CDH10: variants seen among roughly 807,000 people sequenced by gnomAD.
The protein encoded by CDH10 is cadherin 10, also known as cadherin-10.
A neutral mutation model predicts 73.1 loss-of-function variants in CDH10; 30 were observed. The observed-to-expected ratio is 0.41, with a 90% CI of 0.31 to 0.56. The LOEUF is 0.56. Among genes scored for constraint, CDH10 ranks in the 20% least tolerant of loss-of-function variants. CDH10 has a pLI of 0.27. For synonymous variants in CDH10, 345 were observed against 348.2 expected (o/e 0.99, Z 0.10); for missense variants, 815 against 973.7 (o/e 0.84, Z 2.17).
At position 24,644,707 on chromosome 5, in the gene CDH10, T is replaced by C. The variant is rs376188089; in HGVS notation, c.-237A>G. 10 of 152,222 alleles carry C rather than the reference T, an allele frequency of 6.6e-5. No individual in the cohort carries two copies. The highest frequency in any genetic ancestry group is 2.1e-4 in the South Asian group (1 of 4,820). The allele number at this position is 152,222 out of a possible 1,614,324, so 9.4% of individuals were successfully genotyped here. A position where few individuals can be genotyped will look rare whatever the true frequency, so the allele number is the denominator to read the frequency against. On this transcript the variant is annotated 5_prime_UTR_variant, in exon 1 of 12. Transcript: ENST00000264463. ...TCGGCTGTTATTTTCTATCACTGAT[T>C]CTACTTCAATCTAACTCAAGCTCTT...
Position 24,624,063 on chromosome 5 carries a change from G to A in CDH10, c.-124+20531C>T, listed in dbSNP as rs910595635. ...CCCACACAGCAACTGTTTTTTGCTT[G>A]TTTTGTTTTTTGAGAGCTCAGTACG... On this transcript the variant is annotated intron_variant, in intron 1 of 11. Transcript: ENST00000264463. Among the ~76,000 whole-genome samples the A allele has an allele frequency of 1.7e-4, 26 of 151,952 alleles. 1 individual carries two copies. The highest frequency in any genetic ancestry group is 4.4e-5 in the Non-Finnish European group (3 of 67,996).
chr5:24,488,799 C>G (rs531360605), intron 11 of CDH10, among the ~76,000 whole-genome samples: 6 of 139,960 alleles, frequency 4.3e-5, no homozygotes, highest in African/African-American at 8.1e-5. Flanking sequence ...AGACCCCCCC[C>G]CCAAAAAAAA....
chr5:24,539,860 C>T (rs934148146), intron 2 of CDH10, among the ~76,000 whole-genome samples: 2 of 152,058 alleles, frequency 1.3e-5, no homozygotes, highest in Non-Finnish European at 2.9e-5. Flanking sequence ...GCATGTGCAA[C>T]ACAGTGGCAA....
intron 2 of CDH10, among the ~76,000 whole-genome samples, chr5:24,541,727 T>G (rs1000524432): frequency 2.6e-5 from 4 of 152,106 alleles, no homozygotes; most frequent in African/African-American, 9.6e-5. Context: ...TGTGAAACAT[T>G]TGTGTCACAC....
At chr5:24,586,073 A>G (rs1745982437) in intron 2 of CDH10, among the ~76,000 whole-genome samples, 1 of 152,208 alleles carries the variant, frequency 6.6e-6, no homozygotes, top group Admixed American at 6.5e-5. Context: ...AAGTTAAGCT[A>G]AACTGCAGCC....
intron 1 of CDH10, among the ~76,000 whole-genome samples, chr5:24,598,430 C>A (rs1255725758): frequency 6.6e-6 from 1 of 150,872 alleles, no homozygotes. Flanking sequence ...GCAAAGCTAG[C>A]AATATAGAGA....
chr5:24,613,325 G>A (rs1190887992), intron 1 of CDH10: 1 of 151,958 alleles, frequency 6.6e-6, no homozygotes, highest in Non-Finnish European at 1.5e-5. Flanking sequence ...ATATCTATGA[G>A]CAAGAATAAA....
rs532620794 is a variant in CDH10, at chr5:24,584,330, CT to C, written c.231+8929del. ...AAACTGGTGATTTAAATTAGCATGT[CT>C]TTTTTTTCTGATTATGTATGATGGT... On this transcript the variant is annotated intron_variant, in intron 2 of 11. Transcript: ENST00000264463. Among the ~76,000 whole-genome samples, 8 of 149,144 alleles carry C rather than the reference CT, an allele frequency of 5.4e-5. No individual in the cohort carries two copies. In the East Asian group the frequency reaches 8.0e-4, roughly 15 times the overall value.
chr5:24,494,532 T>C (rs989225858), intron 9 of CDH10, among the ~76,000 whole-genome samples: 1 of 151,986 alleles, frequency 6.6e-6, no homozygotes, highest in Non-Finnish European at 1.5e-5. Context: ...AAAATAGGGC[T>C]AATGGCCTTT....
At chr5:24,502,195 T>A (rs1182489376) in intron 8 of CDH10, among the ~76,000 whole-genome samples, 1 of 152,184 alleles carries the variant, frequency 6.6e-6, no homozygotes, top group Non-Finnish European at 1.5e-5. Flanking sequence ...GTGCTGGGAT[T>A]ACAGGCGTGA....
Position 24,535,753 on chromosome 5 carries a change from A to C in CDH10, c.596T>G (p.Ile199Ser), listed in dbSNP as rs2111882990. The change falls in exon 4 of 12, where the codon ATT (isoleucine) becomes AGT (serine). Residue 199 changes from isoleucine to serine, a missense_variant. Physicochemically the swap from Ile to Ser is moderately radical, Grantham distance 142. This residue lies in a region of CDH10 where 516 missense variants were observed against 636.6 expected (regional missense o/e 0.81). Coordinates refer to ENST00000264463, the MANE Select transcript of CDH10 (RefSeq NM_006727.5). ...GGGCTGCCCTTGAAGTATGCTGTAAATGACTCTGGCGCTGTTCCCATATGA... is the reference window on the plus strand; with the variant it reads ...GGGCTGCCCTTGAAGTATGCTGTAACTGACTCTGGCGCTGTTCCCATATGA... ...DPSYGNSARV[I>S]YSILQGQPYF... 1.2e-6 allele frequency: 2 copies of C among 1,611,580 alleles called. No homozygotes were observed. Among genetic ancestry groups the C allele is most frequent in the Non-Finnish European group, 1.7e-6 (2 of 1,178,308 alleles).
At chr5:24,560,298 T>C (rs570655145) in intron 2 of CDH10, among the ~76,000 whole-genome samples, 2 of 151,860 alleles carry the variant, frequency 1.3e-5, no homozygotes, top group Non-Finnish European at 2.9e-5. Flanking sequence ...TCCTGCATAT[T>C]AAACAGATCT....
At chr5:24,522,487 G>A (rs1743373247) in intron 5 of CDH10, among the ~76,000 whole-genome samples, 1 of 127,358 alleles carries the variant, frequency 7.9e-6, no homozygotes, top group South Asian at 2.9e-4. Context: ...AAGCAAGAAA[G>A]TAAATAAAAT....
At chr5:24,549,234 A>C (rs958108328) in intron 2 of CDH10, among the ~76,000 whole-genome samples, 7 of 152,292 alleles carry the variant, frequency 4.6e-5, no homozygotes, top group African/African-American at 1.7e-4. Context: ...AAGCTGCAAG[A>C]CATGAAATCA....
chr5:24,517,548 A>G (rs544700301), intron 5 of CDH10, among the ~76,000 whole-genome samples: 1 of 150,674 alleles, frequency 6.6e-6, no homozygotes, highest in Admixed American at 6.6e-5. Context: ...GAGAATAATA[A>G]TTCAGGTGAT....
chr5:24,530,595 A>G (rs1743705504), intron 5 of CDH10, among the ~76,000 whole-genome samples: 1 of 152,082 alleles, frequency 6.6e-6, no homozygotes, highest in Non-Finnish European at 1.5e-5. Context: ...AGAAAAAAAT[A>G]AGGATTATTG....
chr5:24,489,953 G>C (rs1056488653), intron 11 of CDH10, among the ~76,000 whole-genome samples: 4 of 151,996 alleles, frequency 2.6e-5, no homozygotes, highest in Non-Finnish European at 5.9e-5. Flanking sequence ...GAAATTGTGT[G>C]ACCTTGGAAT....
At chr5:24,506,729 A>G (rs186247373) in intron 7 of CDH10, among the ~76,000 whole-genome samples, 14 of 152,352 alleles carry the variant, frequency 9.2e-5, no homozygotes, top group Admixed American at 8.5e-4. Flanking sequence ...TTGTTAAATG[A>G]AAGAAAGAAT....
At chr5:24,569,984 T>A (rs1745313230) in intron 2 of CDH10, among the ~76,000 whole-genome samples, 1 of 152,130 alleles carries the variant, frequency 6.6e-6, no homozygotes, top group Non-Finnish European at 1.5e-5. Context: ...CGGGCTGTTC[T>A]CGAACTCCTA....
Sources: allele counts gnomAD v4.1 joint callset (sites outside exome capture counted in the v4.1 genomes callset), GRCh38; gene constraint gnomAD v4.1.1; regional missense constraint gnomAD v4.1.1; transcripts MANE v1.5; gene names NCBI Gene and HGNC (gene_info 2026-07-23, HGNC 2026-07-21).